Variants in KIFAP3 observed in about 807,000 individuals in gnomAD.
KIFAP3 encodes the protein kinesin-associated protein 3.
A neutral mutation model predicts 106.5 loss-of-function variants in KIFAP3; 68 were observed. The observed-to-expected ratio is 0.64, with a 90% CI of 0.53 to 0.78. KIFAP3 has a LOEUF of 0.78. Among genes scored for constraint, KIFAP3 ranks in the 30% least tolerant of loss-of-function variants. KIFAP3 has a pLI of 0.00. For synonymous variants in KIFAP3, 320 were observed against 311.5 expected (o/e 1.03, Z -0.29); for missense variants, 780 against 941.8 (o/e 0.83, Z 2.25).
At chr1:169,995,401 A>C (rs942845963) in intron 10 of KIFAP3, among the ~76,000 whole-genome samples, 14 of 152,188 alleles carry the variant, frequency 9.2e-5, no homozygotes, top group Middle Eastern at 3.4e-3. Flanking sequence ...TCTGAAGGAA[A>C]GTTTCTCTTT....
chr1:169,971,395 A>C (rs1202027773), intron 17 of KIFAP3, among the ~76,000 whole-genome samples: 1 of 152,056 alleles, frequency 6.6e-6, no homozygotes, highest in Non-Finnish European at 1.5e-5. Context: ...CTGTATTCAT[A>C]AGCCCTGTGA....
intron 10 of KIFAP3, among the ~76,000 whole-genome samples, chr1:170,002,219 G>A (rs1419954166): frequency 6.6e-6 from 1 of 152,098 alleles, no homozygotes; most frequent in Admixed American, 6.6e-5. Flanking sequence ...CTACAGCTCT[G>A]TAAAATGCCC....
Position 170,034,413 on chromosome 1 carries a change from T to C in KIFAP3, c.701A>G (p.His234Arg), listed in dbSNP as rs751018480. The change falls in exon 7 of 20, where the codon CAT becomes CGT. Residue 234 changes from histidine (H) to arginine (R), a missense_variant. Around this residue, in one of 3 missense-constraint regions of KIFAP3, gnomAD observed 588 missense variants for 678.9 expected, o/e 0.87. Transcript: ENST00000361580. ...TGAGAGTTCTTCTTGCCAAAGCTCA[T>C]GTCTTTTTAACTCATGATCAATAAT... is the stretch of plus-strand genomic sequence containing the variant. ...MNIIDHELKRHELWQEELSKK... is the reference protein window; with the variant it reads ...MNIIDHELKRRELWQEELSKK... The C allele has an allele frequency of 1.2e-6, 2 of 1,606,730 alleles. No individual in the cohort carries two copies. Among genetic ancestry groups the C allele is most frequent in the East Asian group, 2.2e-5 (1 of 44,566 alleles).
chr1:170,016,952 G>T (rs746658524), intron 9 of KIFAP3, among the ~76,000 whole-genome samples: 15 of 152,110 alleles, frequency 9.9e-5, no homozygotes, highest in Non-Finnish European at 1.8e-4. Flanking sequence ...GGCCTTCAAG[G>T]ATTCCTCAGT....
intron 10 of KIFAP3, among the ~76,000 whole-genome samples, chr1:169,997,899 A>T (rs1251330986): frequency 7.2e-3 from 7 of 970 alleles, no homozygotes; most frequent in Admixed American, 0.019. Context: ...AAAAAGGATA[A>T]AAAAAAAAAA....
chr1:170,039,367 TTAACTC>T (rs1345880206), intron 3 of KIFAP3, 79 bp from the exon 4 acceptor site: 1 of 727,956 alleles, frequency 1.4e-6, no homozygotes, highest in Non-Finnish European at 2.3e-6. Flanking sequence ...GCAGCTGAGT[TTAACTC>T]TAGGTAAACT....
At chr1:170,046,076 TCAA>T (rs1165823550) in intron 3 of KIFAP3, among the ~76,000 whole-genome samples, 1 of 151,810 alleles carries the variant, frequency 6.6e-6, no homozygotes, top group Non-Finnish European at 1.5e-5. Context: ...CTCTGACCAA[TCAA>T]CAATCTCCAC....
chr1:169,988,548 G>T lies in KIFAP3; in HGVS notation c.1284+3607C>A, dbSNP rs1312976676. Among the ~76,000 whole-genome samples the T allele has an allele frequency of 2.0e-5, 3 of 151,866 alleles. No homozygotes were observed. The East Asian group carries it at 5.8e-4, about 29-fold the overall frequency. On this transcript the variant is annotated intron_variant, in intron 11 of 19. Coordinates refer to ENST00000361580, the MANE Select transcript of KIFAP3 (RefSeq NM_014970.4). Reference sequence around the variant, plus strand: ...TATTCCAACCGGGGTTATGACTTTAGTAAGTAGGTTAATCAGTGGCTGATT... The same window carrying T: ...TATTCCAACCGGGGTTATGACTTTATTAAGTAGGTTAATCAGTGGCTGATT...
At chr1:169,968,474 C>T (rs1558205101) in intron 17 of KIFAP3, among the ~76,000 whole-genome samples, 2 of 151,802 alleles carry the variant, frequency 1.3e-5, no homozygotes, top group Non-Finnish European at 2.9e-5. Flanking sequence ...TGGCAGCCCC[C>T]TAATTGAGAC....
At chr1:169,954,826 T>C (rs1448698329) in intron 18 of KIFAP3, among the ~76,000 whole-genome samples, 5 of 152,226 alleles carry the variant, frequency 3.3e-5, no homozygotes, top group Admixed American at 3.3e-4. Context: ...AGTTCTATAC[T>C]AGTATGCTTA....
At chr1:170,072,609 CA>C (rs34330688) in intron 1 of KIFAP3, among the ~76,000 whole-genome samples, 1 of 152,046 alleles carries the variant, frequency 6.6e-6, no homozygotes, top group Non-Finnish European at 1.5e-5. Context: ...TTTGTAAAAC[CA>C]AAATATGGAA....
chr1:170,061,762 C>G (rs997987369), intron 1 of KIFAP3, among the ~76,000 whole-genome samples: 2 of 152,080 alleles, frequency 1.3e-5, no homozygotes, highest in African/African-American at 4.8e-5. Flanking sequence ...TGGAACCAAC[C>G]CAAATGTCTA....
intron 18 of KIFAP3, among the ~76,000 whole-genome samples, chr1:169,959,323 T>G (rs1423616503): frequency 6.6e-6 from 1 of 152,126 alleles, no homozygotes; most frequent in African/African-American, 2.4e-5. Context: ...CCATGGAAAA[T>G]GATGTAGGTA....
intron 19 of KIFAP3, among the ~76,000 whole-genome samples, chr1:169,933,040 C>T (rs1663580937): frequency 6.6e-6 from 1 of 151,834 alleles, no homozygotes; most frequent in Non-Finnish European, 1.5e-5. Flanking sequence ...AAATTGAGGG[C>T]AAACATATAG....
intron 2 of KIFAP3, among the ~76,000 whole-genome samples, chr1:170,053,813 C>G (rs928930250): frequency 1.3e-5 from 2 of 152,138 alleles, no homozygotes; most frequent in Non-Finnish European, 2.9e-5. Flanking sequence ...AAACTGGACC[C>G]CTTCCTTACA....
At chr1:169,960,969 G>A in intron 18 of KIFAP3, 77 bp downstream of exon 18, 1 of 1,073,636 alleles carries the variant, frequency 9.3e-7, no homozygotes, top group Non-Finnish European at 1.3e-6. Flanking sequence ...ATTAAGCTTG[G>A]GAATGTGCAA....
intron 3 of KIFAP3, among the ~76,000 whole-genome samples, chr1:170,045,117 T>C (rs1441971479): frequency 6.6e-6 from 1 of 152,190 alleles, no homozygotes; most frequent in African/African-American, 2.4e-5. Context: ...TTTGACTGGA[T>C]TGGCATATTT....
At chr1:169,966,299 GT>G (rs1665617165) in intron 17 of KIFAP3, among the ~76,000 whole-genome samples, 1 of 151,768 alleles carries the variant, frequency 6.6e-6, no homozygotes, top group East Asian at 1.9e-4. Flanking sequence ...ACCAAACTGT[GT>G]ATTTAGGATA....
intron 2 of KIFAP3, among the ~76,000 whole-genome samples, chr1:170,048,535 T>A (rs984666297): frequency 6.6e-6 from 1 of 151,578 alleles, no homozygotes; most frequent in Admixed American, 6.6e-5. Context: ...TCTAGAGGCA[T>A]AAGGAGGGGC....
Sources: gnomAD v4.1 joint callset for allele counts (sites outside exome capture counted in the v4.1 genomes callset) on GRCh38, gnomAD v4.1.1 for gene constraint, gnomAD v4.1.1 regional missense constraint, MANE v1.5 for transcripts, NCBI Gene and HGNC (gene_info 2026-07-23, HGNC 2026-07-21) for gene names.